PCDH15: variants seen among roughly 807,000 people sequenced by gnomAD.
PCDH15 encodes the protein protocadherin related 15.
A neutral mutation model predicts 178.5 loss-of-function variants in PCDH15; 129 were observed. The observed-to-expected ratio is 0.72, with a 90% CI of 0.63 to 0.84. The LOEUF is 0.84. Ranked by LOEUF, PCDH15 falls within the 40% of genes least tolerant of loss-of-function variation. The pLI is 0.00. For synonymous variants in PCDH15, 800 were observed against 732.0 expected, an observed-to-expected ratio of 1.09 and a Z score of -1.50; for missense variants, 2,230 against 2,099.9, an observed-to-expected ratio of 1.06 and a Z score of -1.21.
At chr10:54,119,001 C>T (rs1372027146) in intron 15 of PCDH15, among the ~76,000 whole-genome samples, 1 of 151,946 alleles carries the variant, frequency 6.6e-6, no homozygotes, top group Non-Finnish European at 1.5e-5. Context: ...AGAAAATATC[C>T]CACCTGCATG....
chr10:53,927,867 T>C (rs780437273), intron 25 of PCDH15, among the ~76,000 whole-genome samples: 1 of 152,102 alleles, frequency 6.6e-6, no homozygotes, highest in Non-Finnish European at 1.5e-5. Context: ...ACAGGCCAGA[T>C]GTATTTGTTC....
chr10:55,343,180 G>A (rs1309208977), intron 2 of PCDH15, among the ~76,000 whole-genome samples: 2 of 152,114 alleles, frequency 1.3e-5, no homozygotes, highest in African/African-American at 4.8e-5. Context: ...TAGCCAGCTT[G>A]AAAGGAGAAA....
chr10:55,351,299 G>T (rs533074496), intron 2 of PCDH15, among the ~76,000 whole-genome samples: 9 of 151,284 alleles, frequency 5.9e-5, no homozygotes, highest in Non-Finnish European at 1.2e-4. Flanking sequence ...TTTTCTATTT[G>T]AAATTGGCTT....
chr10:54,528,091 C>A (rs1310632470), intron 2 of PCDH15, among the ~76,000 whole-genome samples: 1 of 152,002 alleles, frequency 6.6e-6, no homozygotes, highest in African/African-American at 2.4e-5. Flanking sequence ...CATCACAAAA[C>A]TACTCAAATC....
chr10:53,938,811 T>C lies in PCDH15; in HGVS notation c.3373+4A>G. On this transcript the variant is annotated splice_donor_region_variant and intron_variant, in intron 25 of 37. Transcript: ENST00000644397. ...TGGTAAAAGCTTTAAGTAGTATAACTTACTTTTTGAAGGAACTCGGAGATT... is the reference window on the plus strand; with the variant it reads ...TGGTAAAAGCTTTAAGTAGTATAACCTACTTTTTGAAGGAACTCGGAGATT... 6.2e-7 allele frequency: 1 copy of C among 1,612,568 alleles called. No homozygotes were observed. Among genetic ancestry groups the C allele is most frequent in the Non-Finnish European group, 8.5e-7 (1 of 1,179,462 alleles).
chr10:54,013,739 G>A lies in PCDH15; in HGVS notation c.2751+6453C>T, dbSNP rs561862806. Among the ~76,000 whole-genome samples, 5 of 152,108 alleles carry A rather than the reference G, an allele frequency of 3.3e-5. No homozygotes were observed. In the East Asian group the frequency reaches 9.7e-4, roughly 29 times the overall value. On this transcript the variant is annotated intron_variant, in intron 20 of 37. Transcript: ENST00000644397. ...AAGATCCAGCATACCAGAATCTCTG[G>A]GGCACAGCTAAAGCAGTGTTAAGAA...
chr10:55,467,783 GT>G (rs1839863192), intron 2 of PCDH15, among the ~76,000 whole-genome samples: 1 of 151,522 alleles, frequency 6.6e-6, no homozygotes, highest in Admixed American at 6.6e-5. Context: ...CGCTGACAGG[GT>G]GAAACCCCGT....
intron 9 of PCDH15, among the ~76,000 whole-genome samples, chr10:54,215,916 G>A (rs911484486): frequency 2.0e-5 from 3 of 151,776 alleles, no homozygotes; most frequent in Middle Eastern, 3.4e-3. Flanking sequence ...GGTGGCGGGC[G>A]CCTGTAGTCC....
At chr10:55,278,818 T>C (rs1325356801) in intron 1 of PCDH15, among the ~76,000 whole-genome samples, 1 of 152,206 alleles carries the variant, frequency 6.6e-6, no homozygotes, top group Non-Finnish European at 1.5e-5. Flanking sequence ...TCTCTTTCAT[T>C]TACAATTTCT....
intron 2 of PCDH15, among the ~76,000 whole-genome samples, chr10:55,381,647 C>A (rs1837536309): frequency 6.6e-6 from 1 of 151,888 alleles, no homozygotes; most frequent in Non-Finnish European, 1.5e-5. Context: ...CTGAGAGCTG[C>A]AGGGCAGATA....
At chr10:54,585,898 C>A (rs572831894) in intron 2 of PCDH15, among the ~76,000 whole-genome samples, 1 of 152,270 alleles carries the variant, frequency 6.6e-6, no homozygotes, top group African/African-American at 2.4e-5. Context: ...ATAGCCACTT[C>A]ATCTCTGCCT....
At chr10:55,397,461 T>C (rs911121081) in intron 2 of PCDH15, among the ~76,000 whole-genome samples, 2 of 152,230 alleles carry the variant, frequency 1.3e-5, no homozygotes, top group Non-Finnish European at 2.9e-5. Context: ...TCATACTGTT[T>C]TGTCTGTTAC....
At chr10:53,826,761 G>GTTTC (rs2076707550) in intron 32 of PCDH15, among the ~76,000 whole-genome samples, 2 of 152,054 alleles carry the variant, frequency 1.3e-5, no homozygotes, top group Non-Finnish European at 2.9e-5. Context: ...TCGTGCAGGA[G>GTTTC]AAATATTCGG....
At chr10:53,827,650 A>G in intron 31 of PCDH15, 102 bp from the exon 32 acceptor site, 1 of 1,359,518 alleles carries the variant, frequency 7.4e-7, no homozygotes, top group Non-Finnish European at 1.0e-6. Flanking sequence ...AGGGGAACCC[A>G]CTAAAATTAT....
intron 2 of PCDH15, among the ~76,000 whole-genome samples, chr10:55,036,434 A>G (rs1840735538): frequency 6.6e-6 from 1 of 152,158 alleles, no homozygotes; most frequent in Admixed American, 6.5e-5. Context: ...CCGGTATGTT[A>G]AGAGTCTTAG....
At chr10:54,069,194 T>C (rs949635216) in intron 17 of PCDH15, among the ~76,000 whole-genome samples, 1 of 152,212 alleles carries the variant, frequency 6.6e-6, no homozygotes, top group African/African-American at 2.4e-5. Context: ...AATCTAAGAA[T>C]GGTGACCCTG....
At chr10:53,823,187 GA>G (rs2076421586) in intron 32 of PCDH15, 2 of 1,613,892 alleles carry the variant, frequency 1.2e-6, no homozygotes, top group Non-Finnish European at 1.7e-6. Flanking sequence ...ATAGAAATGT[GA>G]ATTTTCTTGC....
chr10:54,946,222 C>T (rs968299235), intron 2 of PCDH15, among the ~76,000 whole-genome samples: 1 of 151,834 alleles, frequency 6.6e-6, no homozygotes, highest in Non-Finnish European at 1.5e-5. Context: ...AGAGATATCA[C>T]AGCCCAGGGT....
intron 2 of PCDH15, among the ~76,000 whole-genome samples, chr10:55,129,847 T>C (rs1380779610): frequency 6.6e-6 from 1 of 152,186 alleles, no homozygotes; most frequent in African/African-American, 2.4e-5. Context: ...AGTTTATTTA[T>C]ATATCAGTTG....
Sources: allele counts gnomAD v4.1 joint callset (sites outside exome capture counted in the v4.1 genomes callset), GRCh38; gene constraint gnomAD v4.1.1; transcripts MANE v1.5; gene names NCBI Gene and HGNC (gene_info 2026-07-23, HGNC 2026-07-21).